The following CSMD3 variants were observed in gnomAD, a reference collection of about 807,000 sequenced individuals.
CSMD3 encodes CUB and Sushi multiple domains 3, also known as CUB and sushi domain-containing protein 3.
A neutral mutation model predicts 435.2 loss-of-function variants in CSMD3; 177 were observed. The ratio of observed to expected loss-of-function variants is 0.41; its 90% CI spans 0.36 to 0.46. CSMD3 has a LOEUF of 0.46. Ranked by LOEUF, CSMD3 falls within the 20% of genes least tolerant of loss-of-function variation. The pLI is 0.34. For missense variants in CSMD3, 4,265 were observed against 4,504.6 expected, an observed-to-expected ratio of 0.95 and a Z score of 1.52; for synonymous variants, 1,656 against 1,520.5, an observed-to-expected ratio of 1.09 and a Z score of -2.07.
intron 7 of CSMD3, among the ~76,000 whole-genome samples, chr8:112,962,896 G>A (rs554304330): frequency 2.2e-4 from 34 of 152,038 alleles, no homozygotes; most frequent in African/African-American, 8.2e-4. Flanking sequence ...TAGAAGCACT[G>A]GCGTCACCTG....
intron 9 of CSMD3, among the ~76,000 whole-genome samples, chr8:112,927,901 C>T (rs928917623): frequency 5.9e-5 from 9 of 152,080 alleles, no homozygotes; most frequent in African/African-American, 1.9e-4. Context: ...GGGTATCTTG[C>T]TTTGTGGAAT....
intron 13 of CSMD3, among the ~76,000 whole-genome samples, chr8:112,698,645 G>A (rs1242447164): frequency 6.6e-6 from 1 of 152,092 alleles, no homozygotes; most frequent in African/African-American, 2.4e-5. Context: ...AAGCTCCATT[G>A]GCTATTCTGG....
chr8:113,054,353 A>G (rs1434614036), intron 5 of CSMD3, among the ~76,000 whole-genome samples: 1 of 152,160 alleles, frequency 6.6e-6, no homozygotes, highest in Non-Finnish European at 1.5e-5. Context: ...GTACGTCGAC[A>G]CTCAAAACTA....
At chr8:113,097,315 G>C (rs532958715) in intron 5 of CSMD3, among the ~76,000 whole-genome samples, 2 of 152,128 alleles carry the variant, frequency 1.3e-5, no homozygotes, top group African/African-American at 4.8e-5. Context: ...TTGTTGAGGT[G>C]CCTGCTACAT....
At chr8:112,363,431 A>G (rs1827453099) in intron 38 of CSMD3, among the ~76,000 whole-genome samples, 1 of 151,938 alleles carries the variant, frequency 6.6e-6, no homozygotes, top group Non-Finnish European at 1.5e-5. Context: ...AATACAAAAA[A>G]TATATAAATA....
At chr8:112,942,660 T>C (rs2083487313) in intron 9 of CSMD3, among the ~76,000 whole-genome samples, 1 of 151,598 alleles carries the variant, frequency 6.6e-6, no homozygotes. Context: ...AACTAAACAT[T>C]GAGTACACGT....
chr8:112,830,024 T>C (rs907112478), intron 11 of CSMD3, among the ~76,000 whole-genome samples: 20 of 152,136 alleles, frequency 1.3e-4, no homozygotes, highest in African/African-American at 4.1e-4. Flanking sequence ...ATTACATGAC[T>C]TTTACTTGCT....
chr8:112,583,447 G>T (rs1223272372), intron 23 of CSMD3, among the ~76,000 whole-genome samples: 3 of 151,744 alleles, frequency 2.0e-5, no homozygotes, highest in Non-Finnish European at 2.9e-5. Flanking sequence ...ATGTTTCAAA[G>T]TTTTTTTTAA....
At chr8:112,767,779 C>T (rs2078015977) in intron 13 of CSMD3, among the ~76,000 whole-genome samples, 1 of 151,664 alleles carries the variant, frequency 6.6e-6, no homozygotes, top group Non-Finnish European at 1.5e-5. Flanking sequence ...TTTAAATACC[C>T]TCATAAATGA....
intron 1 of CSMD3, among the ~76,000 whole-genome samples, chr8:113,421,889 T>C (rs2094610631): frequency 6.6e-6 from 1 of 152,188 alleles, no homozygotes; most frequent in Non-Finnish European, 1.5e-5. Context: ...TGATAGAATT[T>C]TATCCATTTG....
rs542487898 is a variant in CSMD3, at chr8:112,404,036, T to C, written c.5809+2488A>G. The stretch of plus-strand genomic sequence containing the variant: ...TTTGTTTTAAGAAAAAAATGCACTG[T>C]GAAATATGCTAGGTATATTTTTGGG... On this transcript the variant is annotated intron_variant, in intron 35 of 70. Transcript: ENST00000297405. 1.4e-3 allele frequency among the ~76,000 whole-genome samples: 213 copies of C among 152,188 alleles called. 1 individual carries two copies. The highest frequency in any genetic ancestry group is 4.6e-3 in the African/African-American group (192 of 41,538).
At chr8:112,367,807 T>C (rs1420001515) in intron 38 of CSMD3, among the ~76,000 whole-genome samples, 1 of 152,216 alleles carries the variant, frequency 6.6e-6, no homozygotes, top group Non-Finnish European at 1.5e-5. Flanking sequence ...GAGGCTACTC[T>C]TTCTCCAAGA....
chr8:112,726,131 A>G (rs2076959246), intron 13 of CSMD3, among the ~76,000 whole-genome samples: 1 of 152,002 alleles, frequency 6.6e-6, no homozygotes. Context: ...CTCACTCAAT[A>G]TTAGGAGAAC....
chr8:113,034,993 C>T (rs1476144724), intron 5 of CSMD3, among the ~76,000 whole-genome samples: 2 of 151,878 alleles, frequency 1.3e-5, no homozygotes, highest in African/African-American at 4.8e-5. Context: ...ACAACCAGAA[C>T]ATTAACAGCA....
chr8:112,558,594 A>C (rs1291418746), intron 24 of CSMD3, among the ~76,000 whole-genome samples: 1 of 151,816 alleles, frequency 6.6e-6, no homozygotes, highest in African/African-American at 2.4e-5. Flanking sequence ...TCAAATAGGA[A>C]TATCAGCATG....
intron 4 of CSMD3, among the ~76,000 whole-genome samples, chr8:113,110,243 A>T (rs1181491725): frequency 6.6e-6 from 1 of 152,134 alleles, no homozygotes; most frequent in Non-Finnish European, 1.5e-5. Context: ...ACAGTTATAC[A>T]ATTTTCTAAA....
At chr8:113,363,506 G>C (rs2094291446) in intron 1 of CSMD3, among the ~76,000 whole-genome samples, 1 of 152,102 alleles carries the variant, frequency 6.6e-6, no homozygotes, top group African/African-American at 2.4e-5. Context: ...ATTTGACTAG[G>C]ATGTATTTCA....
chr8:113,323,595 C>G (rs1197364696), intron 1 of CSMD3, among the ~76,000 whole-genome samples: 1 of 152,088 alleles, frequency 6.6e-6, no homozygotes, highest in African/African-American at 2.4e-5. Flanking sequence ...CATGAATGTA[C>G]TTATAAAAAG....
At chr8:112,464,447 T>C (rs1233656272) in intron 32 of CSMD3, among the ~76,000 whole-genome samples, 1 of 152,032 alleles carries the variant, frequency 6.6e-6, no homozygotes, top group Non-Finnish European at 1.5e-5. Flanking sequence ...TAATTTGAGA[T>C]ACTTTGGAGG....
Sources: gnomAD v4.1 joint callset for allele counts (sites outside exome capture counted in the v4.1 genomes callset) on GRCh38, gnomAD v4.1.1 for gene constraint, MANE v1.5 for transcripts, NCBI Gene and HGNC (gene_info 2026-07-23, HGNC 2026-07-21) for gene names.